The following CD1B variants were observed in gnomAD, a reference collection of about 807,000 sequenced individuals.
CD1B encodes the protein T-cell surface glycoprotein CD1b.
A neutral mutation model predicts 39.8 loss-of-function variants in CD1B; 43 were observed. That is an observed-to-expected ratio of 1.08 (90% confidence interval 0.85 to 1.39). The LOEUF is 1.39. Ranked by LOEUF, CD1B falls within the 40% of genes most tolerant of loss-of-function variation. The pLI is 0.00. For missense variants in CD1B, 495 were observed against 403.8 expected, an observed-to-expected ratio of 1.23 and a Z score of -1.94; for synonymous variants, 192 against 152.5, an observed-to-expected ratio of 1.26 and a Z score of -1.91.
chr1:158,291,941 G>C, the CD1B span: 3 of 791,696 alleles, frequency 3.8e-6, no homozygotes, highest in South Asian at 5.6e-5. Context: ...TTTCTCTCTT[G>C]TTTCTGATCA....
chr1:158,298,356 A>G, the CD1B span, among the ~76,000 whole-genome samples: 1 of 152,190 alleles, frequency 6.6e-6, no homozygotes, highest in African/African-American at 2.4e-5. Flanking sequence ...ACACTGATAA[A>G]GGTATTTGGA....
At chr1:158,304,332 C>T in the CD1B span, among the ~76,000 whole-genome samples, 4 of 152,208 alleles carry the variant, frequency 2.6e-5, no homozygotes, top group African/African-American at 9.7e-5. Context: ...CCCACGGAGC[C>T]TCACTCATTG....
chr1:158,328,229 T>C lies in CD1B; in HGVS notation c.*7A>G. On this transcript the variant is annotated 3_prime_UTR_variant, in exon 6 of 6. Transcript: ENST00000368168. ...ATTGCGAATGGGAGAGGAGACATGA[T>C]GATGGCTCATGGGATATTCTGATAT... 6.2e-7 allele frequency: 1 copy of C among 1,611,054 alleles called. No individual in the cohort carries two copies. The highest frequency in any genetic ancestry group is 8.5e-7 in the Non-Finnish European group (1 of 1,177,556).
the CD1B span, chr1:158,291,257 C>G: frequency 1.2e-6 from 2 of 1,614,096 alleles, no homozygotes; most frequent in African/African-American, 2.7e-5. Flanking sequence ...GACAGTGAAT[C>G]AGGCACAATA....
Position 158,328,898 on chromosome 1 carries a change from AAAC to A in CD1B, c.980+20_980+22del, listed in dbSNP as rs777074659. 25 of 1,541,200 alleles carry A rather than the reference AAAC, an allele frequency of 1.6e-5. No homozygotes were observed. Among genetic ancestry groups the A allele is most frequent in the East Asian group, 2.3e-5 (1 of 44,046 alleles). Reference sequence around the variant, plus strand: ...AACAGAAAAGACATATTAAAAAAAAAAACAACACCACCCACAACTCACCGGCGC... The same window carrying A: ...AACAGAAAAGACATATTAAAAAAAAAAACACCACCCACAACTCACCGGCGC... On this transcript the variant is annotated intron_variant, in intron 5 of 5. Coordinates refer to ENST00000368168, the MANE Select transcript of CD1B (RefSeq NM_001764.3).
chr1:158,306,114 CCAATTAAAAGA>C, the CD1B span, among the ~76,000 whole-genome samples: 8 of 152,240 alleles, frequency 5.3e-5, 1 homozygote, highest in African/African-American at 1.9e-4. Context: ...GCTAAATGCT[CCAATTAAAAGA>C]CACATACTGG....
chr1:158,287,794 A>C, the CD1B span, among the ~76,000 whole-genome samples: 1 of 152,242 alleles, frequency 6.6e-6, no homozygotes, highest in East Asian at 1.9e-4. Context: ...GAGGCTTAAC[A>C]CAATGAAGTT....
chr1:158,294,347 AT>A, the CD1B span, among the ~76,000 whole-genome samples: 1 of 152,166 alleles, frequency 6.6e-6, no homozygotes, highest in African/African-American at 2.4e-5. Flanking sequence ...TTCAACTAAT[AT>A]TTTTTGGGTA....
the CD1B span, among the ~76,000 whole-genome samples, chr1:158,295,671 C>T: frequency 6.6e-6 from 1 of 152,084 alleles, no homozygotes; most frequent in Non-Finnish European, 1.5e-5. Context: ...TGGGGCTAGA[C>T]TGATCTGAGC....
downstream of CD1B, among the ~76,000 whole-genome samples, chr1:158,324,175 C>T (rs1485921030): frequency 6.6e-6 from 1 of 152,204 alleles, no homozygotes; most frequent in African/African-American, 2.4e-5. Flanking sequence ...TGGTTCAAGA[C>T]TCAAGACAAA....
At chr1:158,308,908 G>C in the CD1B span, among the ~76,000 whole-genome samples, 1 of 152,144 alleles carries the variant, frequency 6.6e-6, no homozygotes, top group Non-Finnish European at 1.5e-5. Context: ...TACCATTCAG[G>C]ACATAGGCAT....
downstream of CD1B, among the ~76,000 whole-genome samples, chr1:158,327,723 A>C (rs145187306): frequency 3.4e-3 from 514 of 152,320 alleles, 3 homozygotes; most frequent in African/African-American, 0.012. Flanking sequence ...AGTTCCTTTT[A>C]TTATAGCACT....
chr1:158,318,721 T>C, the CD1B span, among the ~76,000 whole-genome samples: 1 of 152,166 alleles, frequency 6.6e-6, no homozygotes, highest in Admixed American at 6.5e-5. Context: ...GTTAGGTGGT[T>C]ATTTTGTTCA....
the CD1B span, among the ~76,000 whole-genome samples, chr1:158,295,947 A>T: frequency 1.3e-5 from 2 of 151,936 alleles, no homozygotes; most frequent in South Asian, 4.2e-4. Context: ...ATGCATGGAG[A>T]CCTCACCACT....
At chr1:158,307,665 C>A in the CD1B span, among the ~76,000 whole-genome samples, 1 of 152,182 alleles carries the variant, frequency 6.6e-6, no homozygotes, top group Admixed American at 6.5e-5. Context: ...CCCTGACGAA[C>A]ATCGATGCAG....
At chr1:158,314,552 T>G in the CD1B span, among the ~76,000 whole-genome samples, 1 of 152,220 alleles carries the variant, frequency 6.6e-6, no homozygotes, top group Non-Finnish European at 1.5e-5. Flanking sequence ...TGAGGTTATC[T>G]GAAATCTTTC....
chr1:158,298,528 G>T, the CD1B span, among the ~76,000 whole-genome samples: 1 of 152,176 alleles, frequency 6.6e-6, no homozygotes, highest in Non-Finnish European at 1.5e-5. Flanking sequence ...TGAAAGATCA[G>T]GTAGTTTTTC....
the CD1B span, among the ~76,000 whole-genome samples, chr1:158,303,999 A>C: frequency 6.6e-6 from 1 of 152,228 alleles, no homozygotes; most frequent in African/African-American, 2.4e-5. Context: ...TCTAGTCTAG[A>C]GCTCCCAGCA....
intron 2 of CD1B, 82 bp downstream of exon 2, chr1:158,330,714 G>A (rs763173663): frequency 1.5e-6 from 2 of 1,329,552 alleles, no homozygotes; most frequent in South Asian, 2.4e-5. Context: ...GAAGGGAGAA[G>A]CATCAGAGAG....
Sources: gnomAD v4.1 joint callset for allele counts (sites outside exome capture counted in the v4.1 genomes callset) on GRCh38, gnomAD v4.1.1 for gene constraint, MANE v1.5 for transcripts, NCBI Gene and HGNC (gene_info 2026-07-23, HGNC 2026-07-21) for gene names.